NRXN3: variants seen among roughly 807,000 people sequenced by gnomAD.
NRXN3 encodes neurexin 3.
A neutral mutation model predicts 137.6 loss-of-function variants in NRXN3; 32 were observed. The observed-to-expected ratio is 0.23, with a 90% CI of 0.18 to 0.31. The LOEUF (loss-of-function observed/expected upper bound fraction) is 0.31, where lower values mean the gene tolerates loss of function less well. Among genes scored for constraint, NRXN3 ranks in the 10% least tolerant of loss-of-function variants. The probability of loss-of-function intolerance (pLI) is 1.00; values close to 1 mark genes in which losing one functional copy is unlikely to be tolerated. For missense variants in NRXN3, 1,574 were observed against 2,062.5 expected, an observed-to-expected ratio of 0.76 and a Z score of 4.59; for synonymous variants, 798 against 784.5, an observed-to-expected ratio of 1.02 and a Z score of -0.29.
rs2083259926 is a variant in NRXN3, at chr14:78,349,970, G to A, written c.757+52110G>A. Among the ~76,000 whole-genome samples the A allele has an allele frequency of 2.0e-5, 3 of 152,216 alleles. No individual in the cohort carries two copies. The South Asian group carries it at 6.2e-4, about 32-fold the overall frequency. On this transcript the variant is annotated intron_variant, in intron 4 of 20. Transcript: ENST00000335750. ...TCTCCCTAGGGAGAAGGCAGTTAGA[G>A]AGTGGTATGGTAACTATTGAAATTG...
chr14:79,665,531 A>G (rs2098553531), intron 17 of NRXN3, among the ~76,000 whole-genome samples: 2 of 152,150 alleles, frequency 1.3e-5, no homozygotes, highest in Admixed American at 6.5e-5. Context: ...GCAGTCCAGT[A>G]TCTTAAAAGC....
chr14:79,793,332 G>A (rs964133820), intron 19 of NRXN3, among the ~76,000 whole-genome samples: 4 of 152,072 alleles, frequency 2.6e-5, no homozygotes, highest in African/African-American at 7.2e-5. Context: ...GGAGAATGGC[G>A]TGAACCCGGG....
At chr14:79,230,472 T>G (rs962857632) in intron 15 of NRXN3, among the ~76,000 whole-genome samples, 1 of 152,136 alleles carries the variant, frequency 6.6e-6, no homozygotes, top group African/African-American at 2.4e-5. Flanking sequence ...CAGGAGTAAG[T>G]GAGGCATCAA....
At chr14:79,123,973 G>A (rs2055947667) in intron 15 of NRXN3, among the ~76,000 whole-genome samples, 1 of 151,962 alleles carries the variant, frequency 6.6e-6, no homozygotes, top group Admixed American at 6.6e-5. Context: ...CAATGTAATG[G>A]GATGGCTGTA....
intron 4 of NRXN3, among the ~76,000 whole-genome samples, chr14:78,484,506 G>T (rs2095530841): frequency 6.6e-6 from 1 of 152,096 alleles, no homozygotes; most frequent in Non-Finnish European, 1.5e-5. Flanking sequence ...TGTCATGACT[G>T]GATAGTTTCT....
At chr14:78,918,646 T>C (rs1490282933) in intron 10 of NRXN3, among the ~76,000 whole-genome samples, 2 of 152,200 alleles carry the variant, frequency 1.3e-5, no homozygotes, top group Non-Finnish European at 2.9e-5. Context: ...TTCTCTTGAT[T>C]TCATTTTCTA....
At chr14:79,656,151 C>T (rs1567793375) in intron 16 of NRXN3, among the ~76,000 whole-genome samples, 1 of 152,184 alleles carries the variant, frequency 6.6e-6, no homozygotes, top group Non-Finnish European at 1.5e-5. Context: ...TTAGTGTGAG[C>T]ACAGGGCTTA....
chr14:79,767,331 A>C (rs1044087745), intron 19 of NRXN3, among the ~76,000 whole-genome samples: 3 of 152,166 alleles, frequency 2.0e-5, no homozygotes, highest in Non-Finnish European at 2.9e-5. Flanking sequence ...TTTATATGAA[A>C]TCCTCTTTTC....
In NRXN3 at chr14:79,697,917, C is replaced by A; in HGVS notation, c.3994C>A (p.Arg1332Ser). 1 of 1,610,960 alleles carries A rather than the reference C, an allele frequency of 6.2e-7. No homozygotes were observed. The highest frequency in any genetic ancestry group is 1.3e-5 in the African/African-American group (1 of 74,906). Reference sequence around the variant, plus strand: ...GGCGACTACCACAACCCGTAAGAATCGCTCTACAGCCAGCATTCAGGTAGG... The same window carrying A: ...GGCGACTACCACAACCCGTAAGAATAGCTCTACAGCCAGCATTCAGGTAGG... ...TMATTTTRKN[R>S]STASIQPTSD... The change falls in exon 19 of 21, where the codon CGC becomes AGC. Residue 1332 changes from arginine to serine, a missense_variant. Transcript: ENST00000335750.
intron 15 of NRXN3, among the ~76,000 whole-genome samples, chr14:79,119,554 CTTAT>C (rs1227002657): frequency 1.3e-5 from 2 of 152,064 alleles, no homozygotes; most frequent in East Asian, 3.9e-4. Flanking sequence ...TTATAAACAG[CTTAT>C]TTAAAGTCAG....
intron 6 of NRXN3, among the ~76,000 whole-genome samples, chr14:78,660,252 T>TG: frequency 7.7e-6 from 1 of 130,540 alleles, no homozygotes; most frequent in African/African-American, 3.7e-5. Flanking sequence ...AAGAAGTAGA[T>TG]TTATATATAT....
intron 16 of NRXN3, among the ~76,000 whole-genome samples, chr14:79,593,557 G>A (rs1043637406): frequency 6.6e-6 from 1 of 151,032 alleles, no homozygotes; most frequent in Non-Finnish European, 1.5e-5. Flanking sequence ...CGTGAACCCG[G>A]GAGGCAGAGC....
chr14:79,846,717 T>C (rs2099375246), intron 20 of NRXN3, among the ~76,000 whole-genome samples: 1 of 152,192 alleles, frequency 6.6e-6, no homozygotes, highest in South Asian at 2.1e-4. Flanking sequence ...GTTGACTCAA[T>C]ACTCCACTGC....
chr14:79,543,704 G>C (rs998171494), intron 16 of NRXN3, among the ~76,000 whole-genome samples: 4 of 152,200 alleles, frequency 2.6e-5, no homozygotes, highest in Non-Finnish European at 5.9e-5. Context: ...TTTCTACAGG[G>C]ACCAGACAGG....
Position 78,390,433 on chromosome 14 carries a change from C to T in NRXN3, c.757+92573C>T, listed in dbSNP as rs17828853. On this transcript the variant is annotated intron_variant, in intron 4 of 20. Transcript: ENST00000335750. ...GATTTAGACTAGGAATTCAAGTAGA[C>T]AGAAAACCGGTGTTACAAGGTTTAG... Among the ~76,000 whole-genome samples, 674 of 152,274 alleles carry T rather than the reference C, an allele frequency of 4.4e-3. 4 individuals are homozygous for T. The highest frequency in any genetic ancestry group is 8.0e-3 in the Non-Finnish European group (541 of 68,022).
intron 8 of NRXN3, among the ~76,000 whole-genome samples, chr14:78,733,380 A>G (rs1244243500): frequency 2.6e-5 from 4 of 152,092 alleles, no homozygotes; most frequent in African/African-American, 9.7e-5. Flanking sequence ...CTTACTTTAG[A>G]CTTATATTTT....
At chr14:79,139,077 T>A (rs1299228009) in intron 15 of NRXN3, among the ~76,000 whole-genome samples, 1 of 152,230 alleles carries the variant, frequency 6.6e-6, no homozygotes, top group African/African-American at 2.4e-5. Flanking sequence ...TCAAGGCCAA[T>A]GGCTTTGTCA....
chr14:79,098,430 CA>C (rs1438132134), intron 15 of NRXN3, among the ~76,000 whole-genome samples: 2 of 152,106 alleles, frequency 1.3e-5, no homozygotes, highest in Non-Finnish European at 2.9e-5. Flanking sequence ...GGAGATGAAG[CA>C]AATATTTTTC....
chr14:78,837,412 T>C (rs545874932), intron 10 of NRXN3, among the ~76,000 whole-genome samples: 6 of 152,234 alleles, frequency 3.9e-5, no homozygotes, highest in African/African-American at 1.2e-4. Flanking sequence ...TGGTGAGTGA[T>C]CCTGGAATTT....
Sources: allele counts gnomAD v4.1 joint callset (sites outside exome capture counted in the v4.1 genomes callset), GRCh38; gene constraint gnomAD v4.1.1; transcripts MANE v1.5; gene names NCBI Gene and HGNC (gene_info 2026-07-23, HGNC 2026-07-21).